The following BEND2 variants were observed in gnomAD, a reference collection of about 807,000 sequenced individuals.
BEND2 encodes BEN domain-containing protein 2.
BEND2 carries 19 observed loss-of-function variants against 43.8 expected under a neutral mutation model. The observed-to-expected ratio is 0.43, with a 90% confidence interval of 0.30 to 0.64. The LOEUF is 0.64. Among genes scored for constraint, BEND2 ranks in the 30% least tolerant of loss-of-function variants. BEND2 has a pLI of 0.11. For missense variants in BEND2, 544 were observed against 574.0 expected, an observed-to-expected ratio of 0.95 and a Z score of 0.53; for synonymous variants, 226 against 210.1, an observed-to-expected ratio of 1.08 and a Z score of -0.66.
intron 8 of BEND2, among the ~76,000 whole-genome samples, chrX:18,183,056 A>G (rs1308251836): frequency 9.3e-6 from 1 of 107,382 alleles, no homozygotes; most frequent in African/African-American, 3.4e-5. Flanking sequence ...AAAAAAAAAA[A>G]AAAAAAAAAA....
intron 8 of BEND2, among the ~76,000 whole-genome samples, chrX:18,185,820 A>G (rs1475338494): frequency 1.8e-5 from 2 of 110,338 alleles, no homozygotes; most frequent in African/African-American, 3.3e-5. Flanking sequence ...GTTCCATGAC[A>G]TATTTAAAGT....
At chrX:18,209,357 G>A (rs973341106) in intron 4 of BEND2, among the ~76,000 whole-genome samples, 8 of 111,379 alleles carry the variant, frequency 7.2e-5, no homozygotes, top group African/African-American at 2.6e-4. Flanking sequence ...TTGTCTTGGT[G>A]AGTTGAAGAG....
chrX:18,171,900 T>C (rs764361287), intron 12 of BEND2, among the ~76,000 whole-genome samples: 14 of 111,660 alleles, frequency 1.3e-4, no homozygotes, highest in Non-Finnish European at 2.1e-4. Context: ...TTTTAAAATG[T>C]AGGTTTTCTA....
chrX:18,171,030 A>G lies in BEND2; in HGVS notation c.2156T>C (p.Leu719Pro). 1 of 1,210,853 alleles carries G rather than the reference A, an allele frequency of 8.3e-7. No individual in the cohort carries two copies. The highest frequency in any genetic ancestry group is 1.1e-6 in the Non-Finnish European group (1 of 894,222). Residue 719 changes from leucine (L) to proline (P), a missense_variant, in exon 13 of 14, where the codon CTT (leucine) becomes CCT (proline). By Grantham distance (98) the Leu-to-Pro change is moderately conservative (BLOSUM62 -3). Coordinates refer to ENST00000380033, the MANE Select transcript of BEND2 (RefSeq NM_153346.5). ...YGNLKHGLCA[L>P]DPNKISALRE... is the part of the protein sequence containing the mutation. ...GAGAGCACTAATCTTATTGGGGTCAAGGGCACACAGGCCATGCTTCAGATT... is the reference window on the plus strand; with the variant it reads ...GAGAGCACTAATCTTATTGGGGTCAGGGGCACACAGGCCATGCTTCAGATT...
At chrX:18,169,899 C>T (rs750872000) in intron 13 of BEND2, among the ~76,000 whole-genome samples, 1 of 111,989 alleles carries the variant, frequency 8.9e-6, no homozygotes, top group South Asian at 3.7e-4. Context: ...TTTTCATCAA[C>T]TTTTAAAGAA....
intron 7 of BEND2, among the ~76,000 whole-genome samples, chrX:18,193,630 A>T (rs1194803554): frequency 8.9e-6 from 1 of 111,773 alleles, no homozygotes; most frequent in African/African-American, 3.2e-5. Context: ...TCTTACAACT[A>T]CCTATATATC....
chrX:18,201,396 C>CAAAAAAAAAAAAAAAAAAAAA (rs1227049211), intron 6 of BEND2, among the ~76,000 whole-genome samples: 1 of 20,626 alleles, frequency 4.8e-5, no homozygotes. Context: ...AACTCCATCT[C>CAAAAAAAAAAAAAAAAAAAAA]AAAAAAAAAA....
rs750086825 is a variant in BEND2 at position 18,173,963 on chromosome X, C to T, written c.1981+67G>A. 7 of 925,404 alleles carry T rather than the reference C, an allele frequency of 7.6e-6. No homozygotes were observed. The East Asian group carries it at 1.7e-4, about 22-fold the overall frequency. The allele number at this position is 925,404 out of a possible 1,213,427, so 76.3% of individuals were successfully genotyped here. A position where few individuals can be genotyped will look rare whatever the true frequency, so the allele number is the denominator to read the frequency against. On this transcript the variant is annotated intron_variant, in intron 12 of 13. Coordinates refer to ENST00000380033, the MANE Select transcript of BEND2 (RefSeq NM_153346.5). ...AATAGTACAATGAACCCCATAAATG[C>T]ATCACTCAGATTCAACATTTATCAG... is the stretch of plus-strand genomic sequence containing the variant.
At chrX:18,191,760 A>G (rs1924779149) in intron 7 of BEND2, among the ~76,000 whole-genome samples, 2 of 111,968 alleles carry the variant, frequency 1.8e-5, no homozygotes, top group African/African-American at 6.5e-5. Context: ...ATATGATAAA[A>G]ATTGAACTAA....
intron 6 of BEND2, among the ~76,000 whole-genome samples, chrX:18,198,968 C>T (rs1350176800): frequency 9.9e-6 from 1 of 100,748 alleles, no homozygotes; most frequent in Non-Finnish European, 2.0e-5. Context: ...AACCAAACGC[C>T]GGATGTTCTC....
At chrX:18,177,364 A>C (rs755251537) in intron 10 of BEND2, among the ~76,000 whole-genome samples, 1 of 106,928 alleles carries the variant, frequency 9.4e-6, no homozygotes, top group Non-Finnish European at 1.9e-5. Context: ...CAACCATTCA[A>C]GTCAATGGAC....
chrX:18,207,870 G>C (rs1171732599), intron 4 of BEND2, among the ~76,000 whole-genome samples: 1 of 110,948 alleles, frequency 9.0e-6, no homozygotes, highest in Non-Finnish European at 1.9e-5. Flanking sequence ...AATACAAAAA[G>C]TAGCCGGGTG....
chrX:18,220,807 C>A lies in BEND2; in HGVS notation c.-57G>T. The A allele has an allele frequency of 8.8e-7, 1 of 1,134,801 alleles. No homozygotes were observed. The highest frequency in any genetic ancestry group is 1.2e-6 in the Non-Finnish European group (1 of 835,534). The allele number at this position is 1,134,801 out of a possible 1,213,427, so 93.5% of individuals were successfully genotyped here. On this transcript the variant is annotated 5_prime_UTR_variant, in exon 1 of 14. Transcript: ENST00000380033. The stretch of plus-strand genomic sequence containing the variant: ...GAGACCTGAGGCCCGAGACCTGAGG[C>A]CTACGTCTGCGCCGCGGCTCTGAGG...
At chrX:18,215,914 G>A (rs1925659557) in intron 2 of BEND2, among the ~76,000 whole-genome samples, 1 of 112,190 alleles carries the variant, frequency 8.9e-6, no homozygotes, top group African/African-American at 3.2e-5. Context: ...GATGTGGATG[G>A]TCTCACATTT....
At chrX:18,193,128 C>T (rs753643108) in intron 7 of BEND2, among the ~76,000 whole-genome samples, 180 of 111,249 alleles carry the variant, frequency 1.6e-3, no homozygotes, top group Non-Finnish European at 2.6e-3. Flanking sequence ...ACCAGCCTGC[C>T]CAACACAGTG....
intron 13 of BEND2, among the ~76,000 whole-genome samples, chrX:18,170,566 A>C (rs2147388275): frequency 8.9e-6 from 1 of 112,727 alleles, no homozygotes; most frequent in Non-Finnish European, 1.9e-5. Flanking sequence ...TAGAAGCTTT[A>C]TTACTTCATT....
At chrX:18,196,151 T>C (rs954076314) in intron 6 of BEND2, among the ~76,000 whole-genome samples, 1 of 109,219 alleles carries the variant, frequency 9.2e-6, no homozygotes, top group Admixed American at 9.8e-5. Flanking sequence ...ATACAAAAAT[T>C]TGCCGGGTGT....
chrX:18,190,766 T>TCACACACACACACA (rs1300015009), intron 8 of BEND2, among the ~76,000 whole-genome samples: 2 of 93,008 alleles, frequency 2.2e-5, no homozygotes, highest in African/African-American at 7.9e-5. Context: ...TCTCTCTCTC[T>TCACACACACACACA]CACACACACA....
In BEND2 at chrX:18,164,024, CTTT is replaced by C. The variant is rs1465721506; in HGVS notation, c.*982_*984del. The C allele has an allele frequency of 1.8e-5, 2 of 110,320 alleles. No individual in the cohort carries two copies. Among genetic ancestry groups the C allele is most frequent in the Non-Finnish European group, 3.8e-5 (2 of 52,758 alleles). 9.1% of individuals were successfully genotyped at this position (110,320 alleles called of 1,213,427 possible). On this transcript the variant is annotated 3_prime_UTR_variant, in exon 14 of 14. Transcript: ENST00000380033. Reference sequence around the variant, plus strand: ...GCAAGATTTTTTTAATTATCTACTTCTTTTTTTTCTTTTCCCGAGACGGAGTCT... The same window carrying C: ...GCAAGATTTTTTTAATTATCTACTTCTTTTTCTTTTCCCGAGACGGAGTCT...
Sources: gnomAD v4.1 joint callset for allele counts (sites outside exome capture counted in the v4.1 genomes callset) on GRCh38, gnomAD v4.1.1 for gene constraint, MANE v1.5 for transcripts, NCBI Gene and HGNC (gene_info 2026-07-23, HGNC 2026-07-21) for gene names.